CACNA1C: variants seen among roughly 807,000 people sequenced by gnomAD.
The protein encoded by CACNA1C is voltage-dependent L-type calcium channel subunit alpha-1C.
Under a neutral mutation model 229.0 loss-of-function variants are expected in CACNA1C, and 30 were observed. That is an observed-to-expected ratio of 0.13 (90% confidence interval 0.10 to 0.18). CACNA1C has a LOEUF of 0.18. CACNA1C is among the 10% of genes least tolerant of loss of function. The pLI is 1.00. For synonymous variants in CACNA1C, 1,114 were observed against 1,132.5 expected (o/e 0.98, Z 0.33); for missense variants, 1,658 against 2,845.0 (o/e 0.58, Z 9.49).
At chr12:2,269,935 C>T (rs2084107542) in intron 3 of CACNA1C, 1 of 152,204 alleles carries the variant, frequency 6.6e-6, no homozygotes, top group Non-Finnish European at 1.5e-5. Flanking sequence ...AGGACCAAGA[C>T]ACCAAGGTAG....
In CACNA1C at chr12:2,084,321, A is replaced by G. The variant is rs997278130; in HGVS notation, c.49+30710A>G. Reference sequence around the variant, plus strand: ...GCAGCCATTCAAATGTTAAACAGCCATTATCTTTTGAGTGTTCTTTTTTAT... The same window carrying G: ...GCAGCCATTCAAATGTTAAACAGCCGTTATCTTTTGAGTGTTCTTTTTTAT... On this transcript the variant is annotated intron_variant, in intron 1 of 46. Transcript: ENST00000399655. 1.3e-5 allele frequency among the ~76,000 whole-genome samples: 2 copies of G among 152,136 alleles called. 1 individual carries two copies. The highest frequency in any genetic ancestry group is 1.3e-4 in the Admixed American group (2 of 15,272).
At chr12:2,316,580 C>T (rs779791952) in intron 3 of CACNA1C, among the ~76,000 whole-genome samples, 26 of 152,156 alleles carry the variant, frequency 1.7e-4, no homozygotes, top group Admixed American at 1.3e-4. Context: ...TCCTGTATAC[C>T]GTGCCAGGCT....
intron 5 of CACNA1C, among the ~76,000 whole-genome samples, chr12:2,458,150 G>A (rs2099455008): frequency 6.6e-6 from 1 of 152,216 alleles, no homozygotes; most frequent in Non-Finnish European, 1.5e-5. Context: ...TAAAAGTTCT[G>A]TTTTGACCTT....
chr12:2,129,495 T>G (rs940359887), intron 3 of CACNA1C, among the ~76,000 whole-genome samples: 6 of 152,344 alleles, frequency 3.9e-5, no homozygotes, highest in Admixed American at 1.3e-4. Flanking sequence ...ATTCATTTTT[T>G]GGGGGAGAAT....
At chr12:1,974,013 A>C (rs1046084161) in intron 1 of CACNA1C, among the ~76,000 whole-genome samples, 2 of 152,188 alleles carry the variant, frequency 1.3e-5, no homozygotes, top group Non-Finnish European at 2.9e-5. Flanking sequence ...GTAGTAAAAA[A>C]GGTAATAAAT....
intron 3 of CACNA1C, among the ~76,000 whole-genome samples, chr12:2,250,789 TG>T (rs1214513568): frequency 6.6e-6 from 1 of 152,230 alleles, no homozygotes; most frequent in Non-Finnish European, 1.5e-5. Context: ...AAATTCCACA[TG>T]CTTTAGGGGT....
At chr12:2,286,404 GA>G (rs1318279331) in intron 3 of CACNA1C, among the ~76,000 whole-genome samples, 1 of 152,212 alleles carries the variant, frequency 6.6e-6, no homozygotes, top group Non-Finnish European at 1.5e-5. Flanking sequence ...GCGAGCGGGT[GA>G]AAATATGCCT....
At chr12:2,164,024 T>G (rs2096070685) in intron 3 of CACNA1C, among the ~76,000 whole-genome samples, 1 of 152,216 alleles carries the variant, frequency 6.6e-6, no homozygotes, top group South Asian at 2.1e-4. Context: ...CCGTGGCTTC[T>G]TCTATCCCTA....
chr12:2,216,416 A>T (rs536568422), intron 3 of CACNA1C, among the ~76,000 whole-genome samples: 19 of 152,364 alleles, frequency 1.2e-4, no homozygotes, highest in Non-Finnish European at 2.6e-4. Context: ...AAAAGGCTTC[A>T]ACTGGAGGAG....
At chr12:2,625,433 C>T (rs185701190) in intron 29 of CACNA1C, among the ~76,000 whole-genome samples, 4 of 152,288 alleles carry the variant, frequency 2.6e-5, no homozygotes, top group Admixed American at 1.3e-4. Context: ...GGCGATAACC[C>T]GACCCACCAA....
intron 3 of CACNA1C, among the ~76,000 whole-genome samples, chr12:2,440,226 G>A (rs61907855): frequency 0.021 from 3,253 of 152,146 alleles, 46 homozygotes; most frequent in Non-Finnish European, 0.03. Flanking sequence ...CACCATTTCC[G>A]AAGTTTTTCA....
rs529507772 is a variant in CACNA1C at position 2,602,517 on chromosome 12, ATGTGTT to A, written c.2960+569_2960+574del. Among the ~76,000 whole-genome samples, 280 of 151,298 alleles carry A rather than the reference ATGTGTT, an allele frequency of 1.9e-3. 2 individuals are homozygous for A. The highest frequency in any genetic ancestry group is 6.5e-3 in the African/African-American group (266 of 41,188). On this transcript the variant is annotated intron_variant, in intron 22 of 46. Coordinates refer to ENST00000399655, the MANE Select transcript of CACNA1C (RefSeq NM_000719.7). The surrounding 1 kb of genome is among the most constrained non-coding windows in gnomAD (Gnocchi z 4.4). ...TGGCTGTGTGTATGTGTGTGTATGT[ATGTGTT>A]TGTGTTTGTGTCTGCATATGTGTCT... is the stretch of plus-strand genomic sequence containing the variant.
At chr12:2,135,693 A>C (rs1463684584) in intron 3 of CACNA1C, among the ~76,000 whole-genome samples, 2 of 145,164 alleles carry the variant, frequency 1.4e-5, no homozygotes, top group African/African-American at 2.7e-5. Context: ...TGCTGGGAGA[A>C]CCACTGCTCT....
At chr12:2,294,574 G>A (rs7135467) in intron 3 of CACNA1C, among the ~76,000 whole-genome samples, 3,610 of 152,044 alleles carry the variant, frequency 0.024, 132 homozygotes, top group African/African-American at 0.083. Context: ...CCTCTTGTGC[G>A]TGCTGTCGGG....
At chr12:2,312,770 C>T (rs2095503603) in intron 3 of CACNA1C, among the ~76,000 whole-genome samples, 1 of 152,108 alleles carries the variant, frequency 6.6e-6, no homozygotes, top group Non-Finnish European at 1.5e-5. Context: ...ACCGTCATAC[C>T]ATCCTTTCCT....
rs909580712 is a variant in CACNA1C at position 2,582,708 on chromosome 12, A to T, written c.2104-114A>T. ...ATTGGGGGCCAGGAGGAGGGAAAGAAGTGAAAGGGAAATTTTGGACAATTT... is the reference window on the plus strand; with the variant it reads ...ATTGGGGGCCAGGAGGAGGGAAAGATGTGAAAGGGAAATTTTGGACAATTT... On this transcript the variant is annotated intron_variant, in intron 14 of 46. Coordinates refer to ENST00000399655, the MANE Select transcript of CACNA1C (RefSeq NM_000719.7). 4 of 1,125,038 alleles carry T rather than the reference A, an allele frequency of 3.6e-6. No individual in the cohort carries two copies. The Admixed American group carries it at 8.5e-5, about 24-fold the overall frequency. The allele number at this position is 1,125,038 out of a possible 1,614,324, so 69.7% of individuals were successfully genotyped here.
chr12:1,977,349 T>C (rs949009278), intron 1 of CACNA1C, among the ~76,000 whole-genome samples: 8 of 152,160 alleles, frequency 5.3e-5, no homozygotes, highest in South Asian at 4.1e-4. Flanking sequence ...GTCTCTACCA[T>C]GAAGTGGGAA....
chr12:2,286,013 G>T (rs1445114355), intron 3 of CACNA1C, among the ~76,000 whole-genome samples: 1 of 152,144 alleles, frequency 6.6e-6, no homozygotes, highest in Non-Finnish European at 1.5e-5. Flanking sequence ...AAAAATGAAG[G>T]TCTCCTAGTC....
At chr12:2,381,008 C>G (rs2098229464) in intron 3 of CACNA1C, among the ~76,000 whole-genome samples, 1 of 152,186 alleles carries the variant, frequency 6.6e-6, no homozygotes, top group South Asian at 2.1e-4. Flanking sequence ...AGAAGAGAAG[C>G]AATTTCCAGG....
Sources: allele counts gnomAD v4.1 joint callset (sites outside exome capture counted in the v4.1 genomes callset), GRCh38; gene constraint gnomAD v4.1.1; non-coding constraint Gnocchi (gnomAD v3.1); transcripts MANE v1.5; gene names NCBI Gene and HGNC (gene_info 2026-07-23, HGNC 2026-07-21).